Variants in CLYBL observed in about 807,000 individuals in gnomAD.
CLYBL encodes citramalyl-CoA lyase.
A neutral mutation model predicts 38.9 loss-of-function variants in CLYBL; 31 were observed. The ratio of observed to expected loss-of-function variants is 0.80; its 90% confidence interval spans 0.60 to 1.08. The LOEUF (loss-of-function observed/expected upper bound fraction) is 1.08. CLYBL is among the 50% of genes least tolerant of loss of function. CLYBL has a pLI of 0.00. For synonymous variants in CLYBL, 171 were observed against 158.6 expected, an observed-to-expected ratio of 1.08 and a Z score of -0.59; for missense variants, 434 against 411.6, an observed-to-expected ratio of 1.05 and a Z score of -0.47.
In CLYBL at chr13:99,870,987, T is replaced by G; in HGVS notation, c.852T>G (p.Phe284Leu). 9 of 1,613,872 alleles carry G rather than the reference T, an allele frequency of 5.6e-6. No homozygotes were observed. The highest frequency in any genetic ancestry group is 1.1e-5 in the South Asian group (1 of 91,020). Residue 284 changes from phenylalanine (F) to leucine (L), a missense_variant, in exon 7 of 9, where the codon TTT (phenylalanine) becomes TTG (leucine). Transcript: ENST00000339105. ...AAATTGCCGTGGTCCAGGAGCAGTT[T>G]TCTCCTTCCCCTGAAAAAATTAAGT... ...PNQIAVVQEQ[F>L]SPSPEKIKWA...
intron 7 of CLYBL, among the ~76,000 whole-genome samples, chr13:99,876,246 C>T (rs1381617670): frequency 6.7e-6 from 1 of 150,018 alleles, no homozygotes; most frequent in Non-Finnish European, 1.5e-5. Context: ...ATAGTAAAAC[C>T]CCGTCTCTAC....
At chr13:99,793,711 A>G (rs552349814) in intron 2 of CLYBL, among the ~76,000 whole-genome samples, 1 of 152,290 alleles carries the variant, frequency 6.6e-6, no homozygotes, top group South Asian at 2.1e-4. Context: ...TGAGATCAGC[A>G]AAGTCTCTTT....
At chr13:99,778,724 G>A (rs1157279865) in intron 2 of CLYBL, among the ~76,000 whole-genome samples, 1 of 152,112 alleles carries the variant, frequency 6.6e-6, no homozygotes, top group Non-Finnish European at 1.5e-5. Flanking sequence ...GAGGTGTGGG[G>A]CTGTCTAAGC....
chr13:99,895,546 G>A (rs1355186768), downstream of CLYBL: 1 of 152,254 alleles, frequency 6.6e-6, no homozygotes, highest in East Asian at 1.9e-4. Context: ...TCTTTCCCGC[G>A]GGCGGAGCGG....
At chr13:99,798,591 A>G (rs536495520) in intron 2 of CLYBL, among the ~76,000 whole-genome samples, 8 of 152,360 alleles carry the variant, frequency 5.3e-5, no homozygotes, top group African/African-American at 1.9e-4. Flanking sequence ...AGAGAGTATT[A>G]ATACATGTAA....
At chr13:99,721,105 G>T (rs1251500193) in intron 1 of CLYBL, among the ~76,000 whole-genome samples, 1 of 148,640 alleles carries the variant, frequency 6.7e-6, no homozygotes, top group Admixed American at 6.8e-5. Context: ...GTGCAGTGAT[G>T]TGATATCTGC....
intron 1 of CLYBL, among the ~76,000 whole-genome samples, chr13:99,767,357 T>C (rs77491259): frequency 0.019 from 2,955 of 152,314 alleles, 51 homozygotes; most frequent in South Asian, 0.049. Context: ...GCCAGCTTAC[T>C]TCTATGCCAC....
At chr13:99,765,301 A>C (rs961756757) in intron 1 of CLYBL, among the ~76,000 whole-genome samples, 1 of 151,936 alleles carries the variant, frequency 6.6e-6, no homozygotes, top group East Asian at 1.9e-4. Flanking sequence ...GAGTGCCTTT[A>C]TATGTTATTT....
At chr13:99,819,132 G>A (rs1199815774) in intron 2 of CLYBL, among the ~76,000 whole-genome samples, 2 of 151,814 alleles carry the variant, frequency 1.3e-5, no homozygotes, top group Non-Finnish European at 2.9e-5. Flanking sequence ...AATCGCTTGA[G>A]GCCAGGAGTT....
At chr13:99,853,490 A>T (rs968535) in intron 2 of CLYBL, among the ~76,000 whole-genome samples, 16,532 of 152,240 alleles carry the variant, frequency 0.11, 1,213 homozygotes, top group African/African-American at 0.2. Flanking sequence ...GTTAACCTAC[A>T]GTATGCTCAA....
intron 2 of CLYBL, among the ~76,000 whole-genome samples, chr13:99,834,541 C>G (rs1484941250): frequency 6.6e-6 from 1 of 152,182 alleles, no homozygotes; most frequent in Non-Finnish European, 1.5e-5. Flanking sequence ...TCTCCCACCC[C>G]AGCCCACATC....
intron 1 of CLYBL, among the ~76,000 whole-genome samples, chr13:99,656,015 C>A (rs1566600866): frequency 6.6e-6 from 1 of 152,214 alleles, no homozygotes; most frequent in African/African-American, 2.4e-5. Context: ...AGCCTTCCTG[C>A]ACAGCTCTGT....
intron 1 of CLYBL, among the ~76,000 whole-genome samples, chr13:99,693,093 A>G (rs916989317): frequency 6.6e-6 from 1 of 152,176 alleles, no homozygotes; most frequent in African/African-American, 2.4e-5. Context: ...TAGGAGTGGA[A>G]TTGCTGGGTC....
chr13:99,871,651 T>C (rs934637729), intron 7 of CLYBL, among the ~76,000 whole-genome samples: 3 of 152,200 alleles, frequency 2.0e-5, no homozygotes, highest in African/African-American at 7.2e-5. Context: ...TTTCCTGCTC[T>C]GTGGGTTTCT....
At chr13:99,819,741 G>T (rs898474314) in intron 2 of CLYBL, among the ~76,000 whole-genome samples, 2 of 151,780 alleles carry the variant, frequency 1.3e-5, no homozygotes, top group African/African-American at 4.8e-5. Context: ...CCCCAACTCA[G>T]GAAGAGCGAG....
At chr13:99,630,863 A>T (rs1396092209) in intron 1 of CLYBL, among the ~76,000 whole-genome samples, 6 of 152,190 alleles carry the variant, frequency 3.9e-5, no homozygotes, top group Admixed American at 2.6e-4. Context: ...AGCAAGTGAG[A>T]TTCAGGGAAG....
rs79451883 is a variant in CLYBL at position 99,771,904 on chromosome 13, T to A, written c.63-920T>A. 3.1e-3 allele frequency among the ~76,000 whole-genome samples: 474 copies of A among 152,306 alleles called. 5 individuals are homozygous for A. The East Asian group carries it at 0.04, about 13-fold the overall frequency. On this transcript the variant is annotated intron_variant, in intron 1 of 8. Transcript: ENST00000339105. ...CTTTAACTTAATCTTCTCAACAACC[T>A]ACAAATTGAGTATTATTTTTATAGA...
At chr13:99,852,708 TGTCA>T (rs888304467) in intron 2 of CLYBL, among the ~76,000 whole-genome samples, 1 of 139,772 alleles carries the variant, frequency 7.2e-6, no homozygotes, top group Non-Finnish European at 1.5e-5. Context: ...CTCCAAAAAT[TGTCA>T]GTGTTTTAGG....
chr13:99,629,900 G>A (rs2046919712), intron 1 of CLYBL, among the ~76,000 whole-genome samples: 2 of 152,110 alleles, frequency 1.3e-5, no homozygotes, highest in African/African-American at 2.4e-5. Context: ...GTGTTCTAGC[G>A]CCTCTCCTTG....
Sources: allele counts gnomAD v4.1 joint callset (sites outside exome capture counted in the v4.1 genomes callset), GRCh38; gene constraint gnomAD v4.1.1; transcripts MANE v1.5; gene names NCBI Gene and HGNC (gene_info 2026-07-23, HGNC 2026-07-21).